Variants in OOSP2 observed in about 807,000 individuals in gnomAD.
OOSP2 encodes the protein oocyte-secreted protein 2.
Under a neutral mutation model 13.4 loss-of-function variants are expected in OOSP2, and 7 were observed. The observed-to-expected ratio is 0.52, with a 90% CI of 0.30 to 0.98. OOSP2 has a LOEUF of 0.98. OOSP2 is among the 50% of genes least tolerant of loss of function. The pLI is 0.07. For synonymous variants in OOSP2, 75 were observed against 67.2 expected (o/e 1.12, Z -0.57); for missense variants, 184 against 188.5 (o/e 0.98, Z 0.14).
In OOSP2 at chr11:60,043,600, G is replaced by C. The variant is rs770028953; in HGVS notation, c.196G>C (p.Val66Leu). 3.1e-6 allele frequency: 5 copies of C among 1,608,304 alleles called. No individual in the cohort carries two copies. The highest frequency in any genetic ancestry group is 4.3e-6 in the Non-Finnish European group (5 of 1,174,830). ...CCCTGCAAATCGGATACATACATAT[G>C]TATATGAGTTTATATATCTTGTTCG... ...GCPANRIHTYVYEFIYLVRDC... is the reference protein window; with the variant it reads ...GCPANRIHTYLYEFIYLVRDC... Residue 66 changes from valine to leucine, a missense_variant, in exon 2 of 4, where the codon GTA becomes CTA. Physicochemically the swap from Val to Leu is conservative, Grantham distance 32 (BLOSUM62 1). Coordinates refer to ENST00000278855, the MANE Select transcript of OOSP2 (RefSeq NM_173801.5).
intron 2 of OOSP2, among the ~76,000 whole-genome samples, chr11:60,044,354 C>T (rs1414134881): frequency 2.0e-5 from 3 of 152,206 alleles, no homozygotes; most frequent in Non-Finnish European, 4.4e-5. Flanking sequence ...AAACCACTCT[C>T]CGTTATTTGA....
intron 3 of OOSP2, among the ~76,000 whole-genome samples, chr11:60,045,528 G>A (rs1357825039): frequency 2.0e-5 from 3 of 152,114 alleles, no homozygotes; most frequent in Non-Finnish European, 4.4e-5. Context: ...CAGCCAATGT[G>A]CAATGTCTTA....
chr11:60,044,024 T>C (rs1047803886), intron 2 of OOSP2, among the ~76,000 whole-genome samples: 1 of 152,244 alleles, frequency 6.6e-6, no homozygotes, highest in Non-Finnish European at 1.5e-5. Context: ...CATGAGGATT[T>C]GTGTAAATAT....
In OOSP2 at chr11:60,040,425, TC is replaced by T. The variant is rs762230338; in HGVS notation, c.-33del. 7.0e-6 allele frequency: 9 copies of T among 1,294,254 alleles called. No individual in the cohort carries two copies. In the East Asian group the frequency reaches 1.6e-4, roughly 23 times the overall value. The allele number at this position is 1,294,254 out of a possible 1,614,324, so 80.2% of individuals were successfully genotyped here. On this transcript the variant is annotated 5_prime_UTR_variant, in exon 1 of 4. Transcript: ENST00000278855. ...TCGCCACTCCTTGTTTCCTGAGTTG[TC>T]CTGTGCTGGAGGTCTGCTCAGACGA...
At chr11:60,043,259 T>G (rs188966440) in intron 1 of OOSP2, among the ~76,000 whole-genome samples, 55 of 152,308 alleles carry the variant, frequency 3.6e-4, no homozygotes, top group Non-Finnish European at 6.6e-4. Context: ...TCCATGAAAT[T>G]GCTGAAATCT....
In OOSP2 at chr11:60,043,469, T is replaced by C; in HGVS notation, c.65T>C (p.Val22Ala). The change falls in exon 2 of 4, where the codon GTG becomes GCG. Residue 22 changes from valine (V) to alanine (A), a missense_variant and splice_region_variant. Coordinates refer to ENST00000278855, the MANE Select transcript of OOSP2 (RefSeq NM_173801.5). ...LIWTGAENLH[V>A]KISCSLDWLM... ...GCTTTTCATATGGTTCTTTCCACAGTGAAAATAAGTTGCTCTCTGGACTGG... is the reference window on the plus strand; with the variant it reads ...GCTTTTCATATGGTTCTTTCCACAGCGAAAATAAGTTGCTCTCTGGACTGG... 1.2e-6 allele frequency: 2 copies of C among 1,607,452 alleles called. No homozygotes were observed. The highest frequency in any genetic ancestry group is 1.7e-6 in the Non-Finnish European group (2 of 1,174,352).
chr11:60,040,564 A>G, intron 1 of OOSP2, 41 bp downstream of exon 1: 1 of 1,075,414 alleles, frequency 9.3e-7, no homozygotes, highest in Middle Eastern at 2.0e-4. Flanking sequence ...CGAAGGAGTT[A>G]ATCATAATGA....
Position 60,043,657 on chromosome 11 carries a change from G to GT in OOSP2, c.243+11dup. Reference sequence around the variant, plus strand: ...TGGCATCAGGACAAGGGTAAGAACAGTGATTGTTTGTAAAAAATACTGCAT... The same window carrying GT: ...TGGCATCAGGACAAGGGTAAGAACAGTTGATTGTTTGTAAAAAATACTGCAT... On this transcript the variant is annotated intron_variant, in intron 2 of 3. Coordinates refer to ENST00000278855, the MANE Select transcript of OOSP2 (RefSeq NM_173801.5). The GT allele has an allele frequency of 6.8e-7, 1 of 1,460,762 alleles. No individual in the cohort carries two copies. The highest frequency in any genetic ancestry group is 1.3e-5 in the South Asian group (1 of 76,034). 90.5% of individuals were successfully genotyped at this position (1,460,762 alleles called of 1,614,324 possible). A position where few individuals can be genotyped will look rare whatever the true frequency, so the allele number is the denominator to read the frequency against.
chr11:60,043,916 G>A (rs892086912), intron 2 of OOSP2, among the ~76,000 whole-genome samples: 2 of 152,162 alleles, frequency 1.3e-5, no homozygotes, highest in Non-Finnish European at 2.9e-5. Flanking sequence ...TTAGCAGACT[G>A]CTTTAAATTT....
rs1855022252 is a variant in OOSP2 at position 60,047,454 on chromosome 11, T to C, written c.*381T>C. 6.5e-6 allele frequency: 1 copy of C among 154,498 alleles called. No homozygotes were observed. The highest frequency in any genetic ancestry group is 2.4e-5 in the African/African-American group (1 of 41,556). The allele number at this position is 154,498 out of a possible 1,614,324, so 9.6% of individuals were successfully genotyped here. On this transcript the variant is annotated 3_prime_UTR_variant, in exon 4 of 4. Transcript: ENST00000278855. The stretch of plus-strand genomic sequence containing the variant: ...TAAAGAATAGAGAGAGACATATAAA[T>C]GTGCAAGAGGCAAAACTTTGAGCAT...
At position 60,046,996 on chromosome 11, in the gene OOSP2, C is replaced by A. The variant is rs79797080; in HGVS notation, c.400C>A (p.Pro134Thr). Residue 134 changes from proline to threonine, a missense_variant, in exon 4 of 4, where the codon CCT becomes ACT. Physicochemically the swap from Pro to Thr is conservative, Grantham distance 38. Coordinates refer to ENST00000278855, the MANE Select transcript of OOSP2 (RefSeq NM_173801.5). ...TACTGAGAATGAAATAAAATTGGAT[C>A]CTAGTCCTTTTATTGCTGACTTTCA... Reference protein sequence around the residue: ...VSTENEIKLDPSPFIADFQTT... With the variant: ...VSTENEIKLDTSPFIADFQTT... 6.2e-7 allele frequency: 1 copy of A among 1,603,624 alleles called. No individual in the cohort carries two copies. The highest frequency in any genetic ancestry group is 8.5e-7 in the Non-Finnish European group (1 of 1,170,482).
In OOSP2 at chr11:60,040,518, T is replaced by A. The variant is rs774762132; in HGVS notation, c.59T>A (p.Leu20His). The change falls in exon 1 of 4, where the codon CTC (leucine) becomes CAC (histidine). Residue 20 changes from leucine to histidine, a missense_variant. Leu to His is a moderately conservative substitution (Grantham distance 99). Coordinates refer to ENST00000278855, the MANE Select transcript of OOSP2 (RefSeq NM_173801.5). ...AVLIWTGAEN[L>H]HVKISCSLDW... is the part of the protein sequence containing the mutation. ...TTGATTTGGACCGGTGCTGAGAACC[T>A]CCATGGTAAATAACAAGTTTTAGAG... 2 of 1,566,372 alleles carry A rather than the reference T, an allele frequency of 1.3e-6. No homozygotes were observed. The highest frequency in any genetic ancestry group is 2.2e-5 in the East Asian group (1 of 44,686).
At chr11:60,046,649 G>A in intron 3 of OOSP2, 1 of 509,110 alleles carries the variant, frequency 2.0e-6, no homozygotes, top group Admixed American at 2.3e-5. Context: ...GTTTTGCTGG[G>A]TACATTGGTA....
chr11:60,040,536 T>G lies in OOSP2; in HGVS notation c.64+13T>G. On this transcript the variant is annotated intron_variant, in intron 1 of 3. Transcript: ENST00000278855. ...GAGAACCTCCATGGTAAATAACAAG[T>G]TTTAGAGAATGCTTCCTCGAAGGAG... 6.9e-7 allele frequency: 1 copy of G among 1,446,836 alleles called. No individual in the cohort carries two copies. The highest frequency in any genetic ancestry group is 9.7e-7 in the Non-Finnish European group (1 of 1,027,214). The allele number at this position is 1,446,836 out of a possible 1,614,324, so 89.6% of individuals were successfully genotyped here.
rs745843186 is a variant in OOSP2 at position 60,044,727 on chromosome 11, T to C, written c.300T>C (p.Asn100=). The C allele has an allele frequency of 6.2e-7, 1 of 1,604,980 alleles. No homozygotes were observed. The highest frequency in any genetic ancestry group is 1.7e-5 in the Admixed American group (1 of 59,906). The part of the protein sequence containing the change: ...FQTELYFTPR[N]IDHDPQEIHL... ...CCGAGCTGTACTTTACCCCAAGGAA[T>C]ATAGATCATGACCCTCAGGAAATCC... Residue 100 remains asparagine, a synonymous_variant, in exon 3 of 4, where the codon AAT becomes AAC. Transcript: ENST00000278855.
Position 60,047,102 on chromosome 11 carries a change from G to C in OOSP2, c.*29G>C. The C allele has an allele frequency of 6.4e-7, 1 of 1,572,078 alleles. No homozygotes were observed. Among genetic ancestry groups the C allele is most frequent in the Non-Finnish European group, 8.6e-7 (1 of 1,158,812 alleles). On this transcript the variant is annotated 3_prime_UTR_variant, in exon 4 of 4. Coordinates refer to ENST00000278855, the MANE Select transcript of OOSP2 (RefSeq NM_173801.5). Reference sequence around the variant, plus strand: ...AAAGGAGAAATGGAAACTTGAAGCTGGTGTTATGTATTTTGCAGGAAAACA... The same window carrying C: ...AAAGGAGAAATGGAAACTTGAAGCTCGTGTTATGTATTTTGCAGGAAAACA...
chr11:60,046,713 G>A, intron 3 of OOSP2: 1 of 637,960 alleles, frequency 1.6e-6, no homozygotes, highest in Non-Finnish European at 2.9e-6. Flanking sequence ...TTTCTACTCA[G>A]TGTTTGATGC....
intron 1 of OOSP2, 99 bp downstream of exon 1, chr11:60,040,622 T>G (rs970853675): frequency 5.3e-5 from 39 of 729,594 alleles, no homozygotes; most frequent in Non-Finnish European, 8.4e-5. Context: ...CTGATCTTAT[T>G]CTAACTGGCT....
In OOSP2 at chr11:60,041,902, C is replaced by T. The variant is rs143189732; in HGVS notation, c.64+1379C>T. 3.1e-4 allele frequency among the ~76,000 whole-genome samples: 41 copies of T among 133,470 alleles called. No individual in the cohort carries two copies. The East Asian group carries it at 9.1e-3, about 30-fold the overall frequency. The allele number at this position is 133,470 out of a possible 152,430, so 87.6% of individuals were successfully genotyped here. ...CTCCGTCTGAAAAACAGGCTGGGTA[C>T]ACGGTGGCTCACGCCTGTAATCCCA... On this transcript the variant is annotated intron_variant, in intron 1 of 3. Coordinates refer to ENST00000278855, the MANE Select transcript of OOSP2 (RefSeq NM_173801.5).
Sources: gnomAD v4.1 joint callset for allele counts (sites outside exome capture counted in the v4.1 genomes callset) on GRCh38, gnomAD v4.1.1 for gene constraint, MANE v1.5 for transcripts, NCBI Gene and HGNC (gene_info 2026-07-23, HGNC 2026-07-21) for gene names.